The following RARB variants were observed in gnomAD, a reference collection of about 807,000 sequenced individuals.
RARB encodes the protein HBV-activated protein.
Under a neutral mutation model 51.9 loss-of-function variants are expected in RARB, and 17 were observed. That is an observed-to-expected ratio of 0.33 (90% confidence interval 0.22 to 0.49). The LOEUF is 0.49. Among genes scored for constraint, RARB ranks in the 20% least tolerant of loss-of-function variants. The pLI is 0.99. For missense variants in RARB, 369 were observed against 550.8 expected, an observed-to-expected ratio of 0.67 and a Z score of 3.30; for synonymous variants, 215 against 195.4, an observed-to-expected ratio of 1.10 and a Z score of -0.84.
intron 5 of RARB, chr3:25,345,907 A>G: frequency 1.1e-6 from 1 of 887,336 alleles, no homozygotes; most frequent in Non-Finnish European, 1.4e-6. Flanking sequence ...ATGTCAGTTT[A>G]AAAAAAGAGA....
chr3:24,938,574 A>G (rs1211937512), intron 2 of RARB, among the ~76,000 whole-genome samples: 1 of 152,224 alleles, frequency 6.6e-6, no homozygotes, highest in Non-Finnish European at 1.5e-5. Context: ...AAATATACAC[A>G]ACATAAAAAT....
Position 25,380,767 on chromosome 3 carries a change from G to A in RARB, c.179-80426G>A, listed in dbSNP as rs575424121. Among the ~76,000 whole-genome samples the A allele has an allele frequency of 4.6e-5, 7 of 152,144 alleles. No individual in the cohort carries two copies. The East Asian group carries it at 7.7e-4, about 17-fold the overall frequency. ...CAAAACCCAATTAGTAGCATCTTTC[G>A]TCTCCCTCCCCCTGCTAATTTCCTC... On this transcript the variant is annotated intron_variant, in intron 5 of 11. Coordinates refer to the RARB transcript ENST00000383772.
chr3:25,524,447 T>C (rs1698547973), intron 3 of RARB, among the ~76,000 whole-genome samples: 1 of 152,312 alleles, frequency 6.6e-6, no homozygotes, highest in South Asian at 2.1e-4. Flanking sequence ...ATTTGCAAAG[T>C]ACCAGCAGCC....
At chr3:25,443,228 G>A (rs893296012) in intron 1 of RARB, among the ~76,000 whole-genome samples, 1 of 152,116 alleles carries the variant, frequency 6.6e-6, no homozygotes, top group Admixed American at 6.5e-5. Context: ...AACTTGGGAG[G>A]TTCAGTTTGG....
chr3:25,275,369 G>A (rs1391122090), intron 5 of RARB, among the ~76,000 whole-genome samples: 3 of 152,186 alleles, frequency 2.0e-5, no homozygotes, highest in Non-Finnish European at 2.9e-5. Context: ...GCTGAGGTGG[G>A]AGGATCGAGT....
intron 2 of RARB, among the ~76,000 whole-genome samples, chr3:25,017,471 C>T (rs1159900251): frequency 6.6e-6 from 1 of 152,014 alleles, no homozygotes; most frequent in African/African-American, 2.4e-5. Context: ...TTCTGAAGGT[C>T]AGGTTTCCCC....
At chr3:25,147,550 T>G (rs1272730490) in intron 4 of RARB, among the ~76,000 whole-genome samples, 1 of 152,344 alleles carries the variant, frequency 6.6e-6, no homozygotes, top group East Asian at 1.9e-4. Flanking sequence ...CAGTTTTGAA[T>G]GAAAGAAAAG....
In RARB at chr3:25,049,046, C is replaced by T. The variant is rs187552459; in HGVS notation, c.-379-11079C>T. On this transcript the variant is annotated intron_variant, in intron 2 of 11. Coordinates refer to the RARB transcript ENST00000383772. ...GGCTTACAGGCGTGAGCCACCGCGC[C>T]CAGCTCCAAGACCACTTTTAATTTT... is the stretch of plus-strand genomic sequence containing the variant. Among the ~76,000 whole-genome samples, 668 of 152,230 alleles carry T rather than the reference C, an allele frequency of 4.4e-3. 21 individuals are homozygous for T. The highest frequency in any genetic ancestry group is 0.039 in the East Asian group (202 of 5,164).
chr3:25,051,657 A>AT (rs1391042692), intron 2 of RARB, among the ~76,000 whole-genome samples: 15 of 152,184 alleles, frequency 9.9e-5, no homozygotes, highest in Non-Finnish European at 7.4e-5. Context: ...GAGCTATTAG[A>AT]TGATAGATAG....
In RARB at chr3:24,967,939, A is replaced by G. The variant is rs989937649; in HGVS notation, c.-379-92186A>G. On this transcript the variant is annotated intron_variant, in intron 2 of 11. Coordinates refer to the RARB transcript ENST00000383772. ...AGGGGGAATTAAGCAGTAGCAACAA[A>G]CACTATTATCATTAGAGTTTCCGGA... is the stretch of plus-strand genomic sequence containing the variant. 2.0e-5 allele frequency among the ~76,000 whole-genome samples: 3 copies of G among 152,178 alleles called. No individual in the cohort carries two copies. In the East Asian group the frequency reaches 5.8e-4, roughly 29 times the overall value.
intron 5 of RARB, among the ~76,000 whole-genome samples, chr3:25,310,360 T>A (rs1163628701): frequency 1.3e-5 from 2 of 152,238 alleles, no homozygotes; most frequent in Admixed American, 6.5e-5. Flanking sequence ...GACAGTCAGA[T>A]TTCCTAGGCA....
intron 2 of RARB, among the ~76,000 whole-genome samples, chr3:24,921,193 A>T (rs2363522): frequency 0.033 from 5,049 of 152,132 alleles, 182 homozygotes; most frequent in East Asian, 0.18. Flanking sequence ...TCAGTTTCTG[A>T]CTTCTTCTTT....
intron 3 of RARB, among the ~76,000 whole-genome samples, chr3:25,107,395 A>G (rs972629481): frequency 6.6e-6 from 1 of 152,220 alleles, no homozygotes; most frequent in Non-Finnish European, 1.5e-5. Context: ...TAATAAATCT[A>G]TGTAATATGC....
chr3:25,189,140 T>C (rs563687974), intron 5 of RARB, among the ~76,000 whole-genome samples: 9 of 152,266 alleles, frequency 5.9e-5, no homozygotes, highest in Admixed American at 3.3e-4. Context: ...TGATTCTTTA[T>C]GTGTGTTTGT....
intron 4 of RARB, among the ~76,000 whole-genome samples, chr3:25,164,147 A>G (rs1008512449): frequency 6.6e-6 from 1 of 152,172 alleles, no homozygotes; most frequent in African/African-American, 2.4e-5. Flanking sequence ...GGGAGAAGGT[A>G]GCTGGAAAGA....
At chr3:25,348,030 A>G (rs957489729) in intron 5 of RARB, among the ~76,000 whole-genome samples, 2 of 152,028 alleles carry the variant, frequency 1.3e-5, no homozygotes, top group South Asian at 2.1e-4. Flanking sequence ...ATTAATGCAC[A>G]TTTTTCACCT....
rs138699828 is a variant in RARB at position 24,994,693 on chromosome 3, T to C, written c.-379-65432T>C. ...TGGGGTAGAGTGAGAGGGGGACATA[T>C]GGTTTCATTCTGCATGTGGATATCC... On this transcript the variant is annotated intron_variant, in intron 2 of 11. Coordinates refer to the RARB transcript ENST00000383772. Among the ~76,000 whole-genome samples, 600 of 152,134 alleles carry C rather than the reference T, an allele frequency of 3.9e-3. 4 individuals carry two copies. Among genetic ancestry groups the C allele is most frequent in the Middle Eastern group, 0.01 (3 of 294 alleles).
At chr3:25,367,497 G>C (rs149545452) in intron 5 of RARB, among the ~76,000 whole-genome samples, 2 of 152,158 alleles carry the variant, frequency 1.3e-5, no homozygotes, top group East Asian at 1.9e-4. Flanking sequence ...TGGTGGGATT[G>C]TATCAGTCCC....
chr3:25,389,878 A>G (rs1480030321), intron 5 of RARB, among the ~76,000 whole-genome samples: 1 of 152,218 alleles, frequency 6.6e-6, no homozygotes, highest in Non-Finnish European at 1.5e-5. Context: ...AAGGGTAATA[A>G]TATTTGAGTC....
Sources: gnomAD v4.1 joint callset for allele counts (sites outside exome capture counted in the v4.1 genomes callset) on GRCh38, gnomAD v4.1.1 for gene constraint, MANE v1.5 for transcripts, NCBI Gene and HGNC (gene_info 2026-07-23, HGNC 2026-07-21) for gene names.